ADAMTS17: variants seen among roughly 807,000 people sequenced by gnomAD.
The protein encoded by ADAMTS17 is A disintegrin and metalloproteinase with thrombospondin motifs 17.
ADAMTS17 carries 113 observed loss-of-function variants against 141.5 expected under a neutral mutation model. The observed-to-expected ratio is 0.80, with a 90% CI of 0.69 to 0.93. The LOEUF (loss-of-function observed/expected upper bound fraction) is 0.93. Among genes scored for constraint, ADAMTS17 ranks in the 40% least tolerant of loss-of-function variants. The probability of loss-of-function intolerance (pLI) is 0.00; values close to 1 mark genes in which losing one functional copy is unlikely to be tolerated. For missense variants in ADAMTS17, 1,659 were observed against 1,517.9 expected, an observed-to-expected ratio of 1.09 and a Z score of -1.54; for synonymous variants, 768 against 630.6, an observed-to-expected ratio of 1.22 and a Z score of -3.27.
At chr15:100,166,375 T>A (rs1596163991) in intron 8 of ADAMTS17, among the ~76,000 whole-genome samples, 1 of 152,196 alleles carries the variant, frequency 6.6e-6, no homozygotes, top group African/African-American at 2.4e-5. Context: ...TTTTCTATAT[T>A]CCTTATTTCT....
At chr15:100,061,502 G>C (rs910259789) in intron 15 of ADAMTS17, among the ~76,000 whole-genome samples, 7 of 152,164 alleles carry the variant, frequency 4.6e-5, no homozygotes, top group African/African-American at 1.7e-4. Context: ...GGTTCTCCTG[G>C]GTGGCACCTG....
chr15:100,132,111 C>A lies in ADAMTS17; in HGVS notation c.1617G>T (p.Pro539=), dbSNP rs748074154. 11 of 1,613,970 alleles carry A rather than the reference C, an allele frequency of 6.8e-6. No individual in the cohort carries two copies. Among genetic ancestry groups the A allele is most frequent in the African/African-American group, 1.3e-5 (1 of 74,936 alleles). The change falls in exon 12 of 22, where the codon CCG becomes CCT. Residue 539 remains proline (P), a synonymous_variant. Coordinates refer to ENST00000268070, the MANE Select transcript of ADAMTS17 (RefSeq NM_139057.4). The part of the protein sequence containing the change: ...AGECVSKTPI[P]EHVDGDWSPW... ...GGCTCCAGTCTCCGTCCACATGCTC[C>A]GGGATGGGCGTCTTGCTCACGCACT...
At chr15:100,151,327 C>T (rs963329494) in intron 10 of ADAMTS17, among the ~76,000 whole-genome samples, 3 of 152,196 alleles carry the variant, frequency 2.0e-5, no homozygotes, top group African/African-American at 7.2e-5. Flanking sequence ...TTTTTAGCAA[C>T]CCCAAAGGTG....
intron 18 of ADAMTS17, among the ~76,000 whole-genome samples, chr15:100,035,901 T>C (rs1353051307): frequency 6.6e-6 from 1 of 152,174 alleles, no homozygotes; most frequent in Non-Finnish European, 1.5e-5. Flanking sequence ...AGAATACTGT[T>C]ATTCTCTGCA....
intron 6 of ADAMTS17, 45 bp downstream of exon 6, chr15:100,261,434 T>A: frequency 6.2e-7 from 1 of 1,610,968 alleles, no homozygotes; most frequent in South Asian, 1.1e-5. Flanking sequence ...AAGGGAAACA[T>A]CTTTTCCCTC....
chr15:100,039,408 T>C (rs1439991930), intron 18 of ADAMTS17, among the ~76,000 whole-genome samples: 1 of 152,214 alleles, frequency 6.6e-6, no homozygotes, highest in African/African-American at 2.4e-5. Flanking sequence ...AGGCCTGCTT[T>C]AGCCACATTC....
chr15:100,085,022 G>C (rs999257784), intron 15 of ADAMTS17, among the ~76,000 whole-genome samples: 2 of 152,156 alleles, frequency 1.3e-5, no homozygotes, highest in Non-Finnish European at 2.9e-5. Context: ...ACAGAAGAAG[G>C]CTTCAAAAGA....
At chr15:100,118,005 T>C (rs879327808) in intron 12 of ADAMTS17, among the ~76,000 whole-genome samples, 1 of 152,224 alleles carries the variant, frequency 6.6e-6, no homozygotes, top group African/African-American at 2.4e-5. Flanking sequence ...CCATTTTCCA[T>C]GTTCAGAGAG....
intron 4 of ADAMTS17, among the ~76,000 whole-genome samples, chr15:100,276,649 G>A (rs1168120153): frequency 6.6e-6 from 1 of 152,056 alleles, no homozygotes; most frequent in Non-Finnish European, 1.5e-5. Context: ...AGGGCTTAAG[G>A]AGACAGAGCC....
intron 8 of ADAMTS17, among the ~76,000 whole-genome samples, chr15:100,190,058 T>C (rs886700197): frequency 6.6e-6 from 1 of 152,246 alleles, no homozygotes; most frequent in East Asian, 1.9e-4. Flanking sequence ...GAGGCTTACT[T>C]AGCAGAGGCC....
intron 17 of ADAMTS17, among the ~76,000 whole-genome samples, chr15:100,051,015 A>C (rs1820139503): frequency 6.6e-6 from 1 of 152,348 alleles, no homozygotes; most frequent in East Asian, 1.9e-4. Flanking sequence ...TGTGCATGAG[A>C]GACAACCATC....
chr15:100,013,600 C>A (rs192103353), intron 18 of ADAMTS17, among the ~76,000 whole-genome samples: 1 of 152,104 alleles, frequency 6.6e-6, no homozygotes, highest in Non-Finnish European at 1.5e-5. Flanking sequence ...TAAAGCGATG[C>A]GGGATTTTGT....
At chr15:99,974,840 G>A (rs2060288316) in intron 21 of ADAMTS17, among the ~76,000 whole-genome samples, 1 of 152,238 alleles carries the variant, frequency 6.6e-6, no homozygotes, top group Non-Finnish European at 1.5e-5. Flanking sequence ...TTGCTTCCGA[G>A]CTAAGTGGCA....
At position 100,135,150 on chromosome 15, in the gene ADAMTS17, G is replaced by C. The variant is rs551045124; in HGVS notation, c.1474-1835C>G. 2.6e-5 allele frequency among the ~76,000 whole-genome samples: 4 copies of C among 152,248 alleles called. No homozygotes were observed. The East Asian group carries it at 5.8e-4, about 22-fold the overall frequency. On this transcript the variant is annotated intron_variant, in intron 10 of 21. Transcript: ENST00000268070. ...CTGTTCGTTATGGATTTTATAGACA[G>C]GGCTTTCTCATGAAACTTTTCTAAC...
chr15:100,205,315 C>G (rs1483769635), intron 7 of ADAMTS17, among the ~76,000 whole-genome samples: 1 of 152,126 alleles, frequency 6.6e-6, no homozygotes, highest in Non-Finnish European at 1.5e-5. Flanking sequence ...CTGGGATTTA[C>G]AAGTTAGAAG....
At chr15:100,129,273 T>G (rs1258711092) in intron 12 of ADAMTS17, 1 of 152,254 alleles carries the variant, frequency 6.6e-6, no homozygotes, top group Non-Finnish European at 1.5e-5. Context: ...AATTTCTCTC[T>G]GCACTTAACA....
At chr15:100,247,698 T>C (rs1005545782) in intron 7 of ADAMTS17, among the ~76,000 whole-genome samples, 7 of 152,238 alleles carry the variant, frequency 4.6e-5, no homozygotes, top group Middle Eastern at 3.4e-3. Context: ...CTTTGACACA[T>C]TCAATTAATA....
At position 100,271,016 on chromosome 15, in the gene ADAMTS17, G is replaced by C. The variant is rs115802197; in HGVS notation, c.790-8581C>G. Among the ~76,000 whole-genome samples, 125 of 151,892 alleles carry C rather than the reference G, an allele frequency of 8.2e-4. 1 individual carries two copies. The highest frequency in any genetic ancestry group is 2.9e-3 in the African/African-American group (120 of 41,452). On this transcript the variant is annotated intron_variant, in intron 4 of 21. Coordinates refer to ENST00000268070, the MANE Select transcript of ADAMTS17 (RefSeq NM_139057.4). ...CACAGTATTTGTTCTTTGGTGACTGGCTCATTTCACGTAGCATAATGTCTT... is the reference window on the plus strand; with the variant it reads ...CACAGTATTTGTTCTTTGGTGACTGCCTCATTTCACGTAGCATAATGTCTT...
intron 8 of ADAMTS17, among the ~76,000 whole-genome samples, chr15:100,185,830 T>C (rs2040695851): frequency 6.6e-6 from 1 of 152,154 alleles, no homozygotes; most frequent in African/African-American, 2.4e-5. Flanking sequence ...CTGAAGTCCT[T>C]CTTAAAACAG....
Sources: allele counts gnomAD v4.1 joint callset (sites outside exome capture counted in the v4.1 genomes callset), GRCh38; gene constraint gnomAD v4.1.1; transcripts MANE v1.5; gene names NCBI Gene and HGNC (gene_info 2026-07-23, HGNC 2026-07-21).